The following SLC1A3 variants were observed in gnomAD, a reference collection of about 807,000 sequenced individuals.
The protein encoded by SLC1A3 is excitatory amino acid transporter 1.
In SLC1A3, 21 loss-of-function variants were observed where a neutral mutation model predicts 48.1. The ratio of observed to expected loss-of-function variants is 0.44; its 90% CI spans 0.31 to 0.63. The LOEUF (loss-of-function observed/expected upper bound fraction) is 0.63, where lower values mean the gene tolerates loss of function less well. Among genes scored for constraint, SLC1A3 ranks in the 20% least tolerant of loss-of-function variants. The pLI is 0.08. For synonymous variants in SLC1A3, 239 were observed against 251.4 expected (o/e 0.95, Z 0.47); for missense variants, 546 against 689.0 (o/e 0.79, Z 2.32).
intron 3 of SLC1A3, among the ~76,000 whole-genome samples, chr5:36,663,838 C>T (rs1037753950): frequency 2.0e-5 from 3 of 152,190 alleles, no homozygotes; most frequent in Non-Finnish European, 4.4e-5. Context: ...AATCGTTCTC[C>T]GCTCTTCATG....
chr5:36,651,929 G>A (rs890340085), intron 3 of SLC1A3, among the ~76,000 whole-genome samples: 9 of 152,156 alleles, frequency 5.9e-5, no homozygotes, highest in African/African-American at 2.2e-4. Context: ...AAAGTTCCAA[G>A]GTCCTGAAAG....
intron 3 of SLC1A3, among the ~76,000 whole-genome samples, chr5:36,633,971 C>T (rs1740233880): frequency 6.6e-6 from 1 of 152,124 alleles, no homozygotes; most frequent in African/African-American, 2.4e-5. Context: ...CCCGACTCCC[C>T]CGCTCTTGTA....
chr5:36,668,548 G>T (rs963301363), intron 3 of SLC1A3: 3 of 152,160 alleles, frequency 2.0e-5, no homozygotes, highest in Non-Finnish European at 4.4e-5. Context: ...TGTGATTAAT[G>T]AATATACCTC....
At position 36,683,918 on chromosome 5, in the gene SLC1A3, G is replaced by A; in HGVS notation, c.1344G>A (p.Leu448=). 6.2e-7 allele frequency: 1 copy of A among 1,614,136 alleles called. No homozygotes were observed. The highest frequency in any genetic ancestry group is 8.5e-7 in the Non-Finnish European group (1 of 1,180,004). The change falls in exon 9 of 10, where the codon CTG becomes CTA. Residue 448 remains leucine (L), a synonymous_variant. Coordinates refer to ENST00000265113, the MANE Select transcript of SLC1A3 (RefSeq NM_004172.5). The part of the protein sequence containing the change: ...IGAAGIPQAG[L]VTMVIVLTSV... ...CAGCTGGAATTCCTCAGGCGGGCCT[G>A]GTCACTATGGTCATTGTGCTGACAT...
chr5:36,614,944 G>A (rs1245521485), intron 2 of SLC1A3, among the ~76,000 whole-genome samples: 1 of 152,138 alleles, frequency 6.6e-6, no homozygotes, highest in African/African-American at 2.4e-5. Flanking sequence ...CAGATATTGA[G>A]GAAACAGAGC....
At chr5:36,661,255 T>C (rs1212742175) in intron 3 of SLC1A3, among the ~76,000 whole-genome samples, 1 of 151,920 alleles carries the variant, frequency 6.6e-6, no homozygotes, top group Non-Finnish European at 1.5e-5. Flanking sequence ...CTACTAAAAA[T>C]ACAAAAATTA....
At chr5:36,653,549 A>G (rs1741169866) in intron 3 of SLC1A3, among the ~76,000 whole-genome samples, 1 of 152,220 alleles carries the variant, frequency 6.6e-6, no homozygotes, top group Non-Finnish European at 1.5e-5. Context: ...GAGCTTTTAC[A>G]GTTGTTCCTG....
chr5:36,673,858 A>G (rs1489650810), intron 4 of SLC1A3, among the ~76,000 whole-genome samples, 191 bp from the exon 5 acceptor site: 1 of 152,192 alleles, frequency 6.6e-6, no homozygotes, highest in South Asian at 2.1e-4. Flanking sequence ...TCCCCTGAAA[A>G]TATGAACTAC....
intron 3 of SLC1A3, among the ~76,000 whole-genome samples, chr5:36,662,443 G>C (rs1293546004): frequency 6.6e-6 from 1 of 152,176 alleles, no homozygotes; most frequent in Non-Finnish European, 1.5e-5. Context: ...CAGAGAAAGG[G>C]TCTTGGTCTG....
At chr5:36,605,125 T>C (rs1738882084), upstream of SLC1A3, among the ~76,000 whole-genome samples, 1 of 152,228 alleles carries the variant, frequency 6.6e-6, no homozygotes, top group South Asian at 2.1e-4. Flanking sequence ...TAAAAAGAGT[T>C]ACTTAATATT....
At chr5:36,645,396 G>A (rs185609276) in intron 3 of SLC1A3, among the ~76,000 whole-genome samples, 16 of 138,508 alleles carry the variant, frequency 1.2e-4, no homozygotes, top group East Asian at 2.1e-4. Context: ...GCGTGTTCTC[G>A]GCTCACTGTA....
At chr5:36,638,085 A>G (rs1043961337) in intron 3 of SLC1A3, among the ~76,000 whole-genome samples, 2 of 152,146 alleles carry the variant, frequency 1.3e-5, no homozygotes, top group African/African-American at 4.8e-5. Context: ...CCCCTCTTCT[A>G]GGAAGCCTTC....
chr5:36,650,441 T>G (rs1255005523), intron 3 of SLC1A3, among the ~76,000 whole-genome samples: 2 of 152,272 alleles, frequency 1.3e-5, no homozygotes, highest in African/African-American at 4.8e-5. Flanking sequence ...TCAAGCCATA[T>G]TCATACATTG....
rs1183422168 is a variant in SLC1A3 at position 36,608,614 on chromosome 5, T to C, written c.181+10T>C. 2 of 1,598,088 alleles carry C rather than the reference T, an allele frequency of 1.3e-6. No homozygotes were observed. The highest frequency in any genetic ancestry group is 2.3e-5 in the East Asian group (1 of 43,794). Reference sequence around the variant, plus strand: ...ACCGCTGTCATTGTGGGTGAGTCATTTGATTAAAAACAAAAAAACCTGTAT... The same window carrying C: ...ACCGCTGTCATTGTGGGTGAGTCATCTGATTAAAAACAAAAAAACCTGTAT... On this transcript the variant is annotated intron_variant, in intron 2 of 9. Coordinates refer to ENST00000265113, the MANE Select transcript of SLC1A3 (RefSeq NM_004172.5).
chr5:36,599,181 C>T (rs529654929), intron 1 of SLC1A3, among the ~76,000 whole-genome samples: 50 of 152,268 alleles, frequency 3.3e-4, no homozygotes, highest in African/African-American at 1.2e-3. Flanking sequence ...TTGAAAACCT[C>T]TCCCTCATAA....
intron 2 of SLC1A3, among the ~76,000 whole-genome samples, chr5:36,626,653 G>A (rs578109527): frequency 1.2e-3 from 186 of 152,258 alleles, no homozygotes; most frequent in Non-Finnish European, 2.1e-3. Flanking sequence ...ATCAATTCCA[G>A]TAAAATTAAT....
At chr5:36,621,921 A>C (rs561551960) in intron 2 of SLC1A3, among the ~76,000 whole-genome samples, 1 of 152,332 alleles carries the variant, frequency 6.6e-6, no homozygotes, top group African/African-American at 2.4e-5. Context: ...TATTACAATT[A>C]TACGGCAAAT....
chr5:36,601,887 T>G (rs971056656), upstream of SLC1A3, among the ~76,000 whole-genome samples: 2 of 152,188 alleles, frequency 1.3e-5, no homozygotes, highest in Non-Finnish European at 2.9e-5. Flanking sequence ...TGTTTGTGAC[T>G]GTGTTGCATC....
chr5:36,681,759 G>A (rs764678652), intron 8 of SLC1A3, among the ~76,000 whole-genome samples: 7 of 152,146 alleles, frequency 4.6e-5, no homozygotes, highest in Non-Finnish European at 7.4e-5. Flanking sequence ...TGAGTCTAAT[G>A]GCAATGGGAC....
Sources: allele counts gnomAD v4.1 joint callset (sites outside exome capture counted in the v4.1 genomes callset), GRCh38; gene constraint gnomAD v4.1.1; transcripts MANE v1.5; gene names NCBI Gene and HGNC (gene_info 2026-07-23, HGNC 2026-07-21).